The following RTTN variants were observed in gnomAD, a reference collection of about 807,000 sequenced individuals.
The protein encoded by RTTN is rotatin.
In RTTN, 182 loss-of-function variants were observed where a neutral mutation model predicts 269.2. The observed-to-expected ratio is 0.68, with a 90% confidence interval of 0.60 to 0.76. RTTN has a LOEUF of 0.76. Among genes scored for constraint, RTTN ranks in the 30% least tolerant of loss-of-function variants. The pLI, the probability that RTTN is intolerant of heterozygous loss-of-function variation, is 0.00. For synonymous variants in RTTN, 1,006 were observed against 963.5 expected (o/e 1.04, Z -0.82); for missense variants, 2,545 against 2,608.6 (o/e 0.98, Z 0.53).
In RTTN at chr18:70,150,658, T is replaced by C. The variant is rs751021318; in HGVS notation, c.2005A>G (p.Lys669Glu). 3 of 1,611,902 alleles carry C rather than the reference T, an allele frequency of 1.9e-6. No homozygotes were observed. The highest frequency in any genetic ancestry group is 1.3e-5 in the African/African-American group (1 of 74,850). Residue 669 changes from lysine to glutamate, a missense_variant, in exon 15 of 49, where the codon AAA becomes GAA. Physicochemically the swap from Lys to Glu is moderately conservative, Grantham distance 56 (BLOSUM62 1). Transcript: ENST00000640769. ...AATACAGAGATTTCATACAGAACTT[T>C]TGGATGAAGTAGAAAATGAATTCCA... ...CNGIHFLLHP[K>E]VLYEISVFGI...
intron 30 of RTTN, chr18:70,091,395 T>G (rs1481816992): frequency 6.6e-6 from 1 of 151,800 alleles, no homozygotes; most frequent in Non-Finnish European, 1.5e-5. Context: ...TGGTCCTATC[T>G]CAATAAGACT....
intron 26 of RTTN, 71 bp downstream of exon 26, chr18:70,121,480 CATAAT>C (rs2059736212): frequency 8.2e-7 from 1 of 1,224,686 alleles, no homozygotes; most frequent in Non-Finnish European, 1.1e-6. Context: ...TATCCTTTTC[CATAAT>C]ATAATGTTAA....
rs573065594 is a variant in RTTN at position 70,035,239 on chromosome 18, G to A, written c.5542-4258C>T. 1.9e-4 allele frequency among the ~76,000 whole-genome samples: 29 copies of A among 152,238 alleles called. No homozygotes were observed. The Middle Eastern group carries it at 0.014, about 71-fold the overall frequency. ...TTAAAATTCATATGGAACCAAAAAA[G>A]AGCCCAAATCGCCAAGGCAATTCTA... On this transcript the variant is annotated intron_variant, in intron 40 of 48. Coordinates refer to ENST00000640769, the MANE Select transcript of RTTN (RefSeq NM_173630.4).
chr18:70,100,867 G>A (rs763152567), intron 28 of RTTN, among the ~76,000 whole-genome samples: 1 of 152,186 alleles, frequency 6.6e-6, no homozygotes, highest in Non-Finnish European at 1.5e-5. Flanking sequence ...CTGTTTATAT[G>A]ATGGGTTACG....
At chr18:70,074,137 T>C (rs2058367535) in intron 33 of RTTN, 143 bp from the exon 34 acceptor site, 1 of 442,124 alleles carries the variant, frequency 2.3e-6, no homozygotes, top group Non-Finnish European at 4.1e-6. Context: ...GATAGACCAC[T>C]ATTTAAAAAA....
chr18:70,079,093 A>G (rs187867419), intron 32 of RTTN, among the ~76,000 whole-genome samples: 16 of 152,266 alleles, frequency 1.1e-4, no homozygotes, highest in African/African-American at 3.6e-4. Flanking sequence ...CAAACATGCT[A>G]TTTAGATATA....
At chr18:70,094,060 T>C (rs2058927871) in intron 28 of RTTN, among the ~76,000 whole-genome samples, 1 of 147,476 alleles carries the variant, frequency 6.8e-6, no homozygotes, top group Non-Finnish European at 1.5e-5. Context: ...CCATTTCTTC[T>C]AGATTTTCTA....
At chr18:70,130,101 C>T (rs1828501618) in intron 23 of RTTN, 1 of 151,578 alleles carries the variant, frequency 6.6e-6, no homozygotes, top group South Asian at 2.1e-4. Context: ...GTTAAAAAGG[C>T]TTTTATCAAC....
chr18:70,118,637 A>C (rs2059657355), intron 26 of RTTN, among the ~76,000 whole-genome samples: 1 of 152,158 alleles, frequency 6.6e-6, no homozygotes, highest in Non-Finnish European at 1.5e-5. Context: ...ACAAGAAAAG[A>C]AAATTACAGG....
intron 10 of RTTN, among the ~76,000 whole-genome samples, chr18:70,186,142 T>C (rs1004450852): frequency 5.4e-5 from 8 of 148,592 alleles, no homozygotes; most frequent in Admixed American, 2.7e-4. Flanking sequence ...GGAATGTCCA[T>C]AGGAATGTTA....
At chr18:70,055,207 G>A (rs1364366488) in intron 37 of RTTN, among the ~76,000 whole-genome samples, 1 of 152,090 alleles carries the variant, frequency 6.6e-6, no homozygotes, top group Non-Finnish European at 1.5e-5. Context: ...AGAATGAGCT[G>A]TGATGTCTCA....
At chr18:70,171,521 C>G (rs541071622) in intron 11 of RTTN, among the ~76,000 whole-genome samples, 1 of 152,330 alleles carries the variant, frequency 6.6e-6, no homozygotes, top group Admixed American at 6.5e-5. Context: ...ATCTCAACAA[C>G]TCAAAGCCCC....
chr18:70,203,670 T>C (rs2062009246), intron 3 of RTTN, among the ~76,000 whole-genome samples: 2 of 152,200 alleles, frequency 1.3e-5, no homozygotes, highest in African/African-American at 4.8e-5. Context: ...AATACTTGCA[T>C]TATGTCGTTT....
At chr18:70,071,182 A>G (rs1336006222) in intron 34 of RTTN, among the ~76,000 whole-genome samples, 1 of 152,014 alleles carries the variant, frequency 6.6e-6, no homozygotes, top group Non-Finnish European at 1.5e-5. Context: ...TCCATGCCCT[A>G]ATTTCCTCTT....
In RTTN at chr18:70,163,805, C is replaced by T. The variant is rs578073585; in HGVS notation, c.1929+2257G>A. Among the ~76,000 whole-genome samples, 3 of 152,250 alleles carry T rather than the reference C, an allele frequency of 2.0e-5. No homozygotes were observed. The East Asian group carries it at 5.8e-4, about 29-fold the overall frequency. ...TGTCATTTCGGCACTCGAAAAGTGTCAGATTGTGGAGCCTTTTAGATTTTG... is the reference window on the plus strand; with the variant it reads ...TGTCATTTCGGCACTCGAAAAGTGTTAGATTGTGGAGCCTTTTAGATTTTG... On this transcript the variant is annotated intron_variant, in intron 14 of 48. Coordinates refer to ENST00000640769, the MANE Select transcript of RTTN (RefSeq NM_173630.4).
In RTTN at chr18:70,054,149, A is replaced by G. The variant is rs1017485177; in HGVS notation, c.5167T>C (p.Cys1723Arg). The G allele has an allele frequency of 5.0e-6, 8 of 1,613,180 alleles. No homozygotes were observed. The African/African-American group carries it at 1.1e-4, about 22-fold the overall frequency. Reference protein sequence around the residue: ...ITNIIGILTICTKDVLDKELI... With the variant: ...ITNIIGILTIRTKDVLDKELI... The stretch of plus-strand genomic sequence containing the variant: ...AGCTTACCTAATACATCTTTGGTAC[A>G]TATGGTGAGAATTCCAATGATATTG... The change falls in exon 38 of 49, where the codon TGT (cysteine) becomes CGT (arginine). Residue 1723 changes from cysteine (C) to arginine (R), a missense_variant. Physicochemically the swap from Cys to Arg is radical, Grantham distance 180. Transcript: ENST00000640769.
chr18:70,015,050 T>A (rs965733765), intron 46 of RTTN, among the ~76,000 whole-genome samples: 1 of 152,072 alleles, frequency 6.6e-6, no homozygotes, highest in Non-Finnish European at 1.5e-5. Flanking sequence ...AGACTTAGTC[T>A]GGCATTGCCA....
chr18:70,004,859 T>A (rs1049422020), intron 48 of RTTN, among the ~76,000 whole-genome samples: 2 of 43,522 alleles, frequency 4.6e-5, no homozygotes, highest in African/African-American at 5.5e-5. Flanking sequence ...GTCCTCCAGC[T>A]CCCTGATGTT....
At chr18:70,164,203 T>C (rs548526049) in intron 14 of RTTN, among the ~76,000 whole-genome samples, 4 of 48,474 alleles carry the variant, frequency 8.3e-5, no homozygotes, top group African/African-American at 2.6e-4. Flanking sequence ...AATGGTAAAA[T>C]TTTTTCCTTT....
Sources: gnomAD v4.1 joint callset for allele counts (sites outside exome capture counted in the v4.1 genomes callset) on GRCh38, gnomAD v4.1.1 for gene constraint, MANE v1.5 for transcripts, NCBI Gene and HGNC (gene_info 2026-07-23, HGNC 2026-07-21) for gene names.